Variants in RPS6KC1 observed in about 807,000 individuals in gnomAD.
RPS6KC1 encodes ribosomal protein S6 kinase C1.
A neutral mutation model predicts 103.8 loss-of-function variants in RPS6KC1; 54 were observed. The observed-to-expected ratio is 0.52, with a 90% confidence interval of 0.42 to 0.65. The LOEUF (loss-of-function observed/expected upper bound fraction) is 0.65, where lower values mean the gene tolerates loss of function less well. Ranked by LOEUF, RPS6KC1 falls within the 30% of genes least tolerant of loss-of-function variation. The pLI is 0.00. For synonymous variants in RPS6KC1, 439 were observed against 438.7 expected (o/e 1.00, Z -0.01); for missense variants, 1,151 against 1,253.8 (o/e 0.92, Z 1.24).
chr1:213,459,074 G>A, the RPS6KC1 span, among the ~76,000 whole-genome samples: 1 of 152,018 alleles, frequency 6.6e-6, no homozygotes, highest in Non-Finnish European at 1.5e-5. Context: ...TTCTTTTTTT[G>A]TTGTGTCTCT....
chr1:213,081,418 G>C (rs2079871127), intron 3 of RPS6KC1, among the ~76,000 whole-genome samples: 1 of 152,064 alleles, frequency 6.6e-6, no homozygotes, highest in South Asian at 2.1e-4. Context: ...GTGAGAACCA[G>C]CAAGCCACTC....
chr1:213,752,480 G>A, the RPS6KC1 span, among the ~76,000 whole-genome samples: 4 of 152,176 alleles, frequency 2.6e-5, no homozygotes, highest in Non-Finnish European at 4.4e-5. Context: ...AACTTCACAT[G>A]TAGGTACTGG....
chr1:213,250,432 A>G (rs757066521), intron 12 of RPS6KC1, among the ~76,000 whole-genome samples: 1 of 152,222 alleles, frequency 6.6e-6, no homozygotes, highest in Non-Finnish European at 1.5e-5. Flanking sequence ...GACTTTATGG[A>G]ATATAGAATG....
the RPS6KC1 span, among the ~76,000 whole-genome samples, chr1:213,681,682 C>T: frequency 1.3e-5 from 2 of 152,224 alleles, no homozygotes; most frequent in Non-Finnish European, 1.5e-5. Flanking sequence ...CCTGTAGTCC[C>T]AGCTACTTGA....
At chr1:213,232,066 C>T (rs2094116193) in intron 9 of RPS6KC1, 57 bp from the exon 10 acceptor site, 2 of 1,595,030 alleles carry the variant, frequency 1.3e-6, no homozygotes, top group Non-Finnish European at 1.7e-6. Flanking sequence ...ACAGCAGGCT[C>T]CAAAGGCAAC....
chr1:213,567,145 C>T, the RPS6KC1 span, among the ~76,000 whole-genome samples: 8 of 152,160 alleles, frequency 5.3e-5, no homozygotes, highest in African/African-American at 1.9e-4. Flanking sequence ...TAAAGTTGAA[C>T]TCAAGCCCAT....
the RPS6KC1 span, among the ~76,000 whole-genome samples, chr1:213,746,101 G>A: frequency 6.6e-6 from 1 of 152,176 alleles, no homozygotes; most frequent in Non-Finnish European, 1.5e-5. Flanking sequence ...CCCTCATGAA[G>A]CTTATATTCT....
the RPS6KC1 span, among the ~76,000 whole-genome samples, chr1:213,697,626 G>A: frequency 6.6e-6 from 1 of 152,198 alleles, no homozygotes; most frequent in Non-Finnish European, 1.5e-5. Flanking sequence ...GAAGTGGTGG[G>A]AGGAGCCTTG....
the RPS6KC1 span, chr1:213,822,008 A>G: frequency 2.6e-5 from 4 of 152,214 alleles, no homozygotes; most frequent in African/African-American, 9.6e-5. Context: ...CCAAAATCAA[A>G]CCATCAAGGT....
At chr1:213,542,065 T>C in the RPS6KC1 span, among the ~76,000 whole-genome samples, 3 of 152,110 alleles carry the variant, frequency 2.0e-5, no homozygotes, top group Admixed American at 6.5e-5. Flanking sequence ...ATTTAATACA[T>C]TTCCGTTGAG....
the RPS6KC1 span, among the ~76,000 whole-genome samples, chr1:213,302,480 A>G: frequency 6.6e-6 from 1 of 152,170 alleles, no homozygotes; most frequent in East Asian, 1.9e-4. Flanking sequence ...TGGGCAACAT[A>G]GTGTGACTCT....
intron 3 of RPS6KC1, among the ~76,000 whole-genome samples, chr1:213,083,146 A>G (rs2080057821): frequency 6.6e-6 from 1 of 152,214 alleles, no homozygotes; most frequent in African/African-American, 2.4e-5. Flanking sequence ...GACAAGCAGA[A>G]AAGCAGTACA....
chr1:213,071,433 C>T (rs1337701301), intron 2 of RPS6KC1, among the ~76,000 whole-genome samples: 1 of 152,108 alleles, frequency 6.6e-6, no homozygotes, highest in East Asian at 1.9e-4. Flanking sequence ...CTGGCCTGTA[C>T]ATCAGTCTTT....
chr1:213,057,149 C>G (rs577861062), intron 1 of RPS6KC1, among the ~76,000 whole-genome samples: 4 of 152,142 alleles, frequency 2.6e-5, no homozygotes, highest in African/African-American at 9.6e-5. Flanking sequence ...CCATGTTGCC[C>G]AGGCTGATCT....
chr1:213,625,739 T>A, the RPS6KC1 span, among the ~76,000 whole-genome samples: 1 of 152,204 alleles, frequency 6.6e-6, no homozygotes, highest in Non-Finnish European at 1.5e-5. Flanking sequence ...TTCAACCATG[T>A]CCCTACAAAG....
At chr1:213,621,119 C>G in the RPS6KC1 span, among the ~76,000 whole-genome samples, 1 of 152,176 alleles carries the variant, frequency 6.6e-6, no homozygotes, top group Admixed American at 6.5e-5. Context: ...AGACACAACC[C>G]TGCCTTCTCT....
chr1:213,509,993 C>T, the RPS6KC1 span, among the ~76,000 whole-genome samples: 1 of 152,198 alleles, frequency 6.6e-6, no homozygotes, highest in Non-Finnish European at 1.5e-5. Context: ...TCTGGGCAGA[C>T]TGATTCTCAC....
At chr1:213,611,162 C>A in the RPS6KC1 span, among the ~76,000 whole-genome samples, 1 of 152,116 alleles carries the variant, frequency 6.6e-6, no homozygotes, top group South Asian at 2.1e-4. Flanking sequence ...ACTTCTTTCC[C>A]ACTTTATTTT....
chr1:213,527,305 A>G, the RPS6KC1 span, among the ~76,000 whole-genome samples: 1 of 152,228 alleles, frequency 6.6e-6, no homozygotes, highest in Non-Finnish European at 1.5e-5. Flanking sequence ...ATCATTTTAA[A>G]TTCTGGTCTT....
Sources: allele counts gnomAD v4.1 joint callset (sites outside exome capture counted in the v4.1 genomes callset), GRCh38; gene constraint gnomAD v4.1.1; transcripts MANE v1.5; gene names NCBI Gene and HGNC (gene_info 2026-07-23, HGNC 2026-07-21).